The following AIM2 variants were observed in gnomAD, a reference collection of about 807,000 sequenced individuals.
The protein encoded by AIM2 is absent in melanoma 2, also known as interferon-inducible protein AIM2.
In AIM2, 30 loss-of-function variants were observed where a neutral mutation model predicts 27.7. That is an observed-to-expected ratio of 1.08 (90% confidence interval 0.81 to 1.47). AIM2 has a LOEUF of 1.47. AIM2 is among the 40% of genes most tolerant of loss of function. The pLI is 0.00. For missense variants in AIM2, 358 were observed against 411.3 expected, an observed-to-expected ratio of 0.87 and a Z score of 1.12; for synonymous variants, 141 against 145.3, an observed-to-expected ratio of 0.97 and a Z score of 0.21.
At chr1:159,080,498 C>T (rs909246030), upstream of AIM2, among the ~76,000 whole-genome samples, 1 of 152,158 alleles carries the variant, frequency 6.6e-6, no homozygotes. Flanking sequence ...AAAGAAATCA[C>T]AAGTAAAAGC....
At position 159,100,561 on chromosome 1, in the gene AIM2, A is replaced by G. The variant is rs78226970; in HGVS notation, c.-15-34232T>C. 9.8e-3 allele frequency among the ~76,000 whole-genome samples: 1,490 copies of G among 152,336 alleles called. 32 individuals are homozygous for G. Among genetic ancestry groups the G allele is most frequent in the African/African-American group, 0.034 (1,393 of 41,556 alleles). On this transcript the variant is annotated intron_variant, in intron 1 of 2. Transcript: ENST00000368129. ...AGGTGGAGGCAGGAATAAGTAGAGA[A>G]GTGGCTATGAAACCTATTCTGAACC...
chr1:159,125,654 C>T (rs1445786325), intron 1 of AIM2, among the ~76,000 whole-genome samples: 1 of 152,140 alleles, frequency 6.6e-6, no homozygotes, highest in Non-Finnish European at 1.5e-5. Flanking sequence ...TTCTCTGAGC[C>T]TTAGTTTTCC....
At chr1:159,124,301 T>C in intron 1 of AIM2, among the ~76,000 whole-genome samples, 1 of 152,226 alleles carries the variant, frequency 6.6e-6, no homozygotes, top group East Asian at 1.9e-4. Flanking sequence ...CAGTTCGATA[T>C]GGACTCCAAG....
At chr1:159,134,675 T>C (rs978688266) in intron 1 of AIM2, among the ~76,000 whole-genome samples, 8 of 152,056 alleles carry the variant, frequency 5.3e-5, no homozygotes, top group African/African-American at 1.9e-4. Context: ...CTACTAAAAA[T>C]ACAAAAATTA....
intron 1 of AIM2, among the ~76,000 whole-genome samples, chr1:159,110,228 A>G (rs961054914): frequency 2.6e-5 from 4 of 152,214 alleles, no homozygotes; most frequent in Non-Finnish European, 4.4e-5. Flanking sequence ...ACTCGGCCAT[A>G]AAAAGGAATG....
At chr1:159,139,986 A>C (rs778479363) in intron 1 of AIM2, among the ~76,000 whole-genome samples, 8 of 152,206 alleles carry the variant, frequency 5.3e-5, no homozygotes, top group Non-Finnish European at 1.0e-4. Context: ...AGATGTATGC[A>C]GTATTCTAGA....
At chr1:159,127,428 C>A (rs1427350457) in intron 1 of AIM2, among the ~76,000 whole-genome samples, 1 of 152,196 alleles carries the variant, frequency 6.6e-6, no homozygotes, top group Admixed American at 6.5e-5. Flanking sequence ...TGTGTCCCCA[C>A]AAAATTCCTA....
chr1:159,145,637 A>G (rs745965453), intron 1 of AIM2, among the ~76,000 whole-genome samples: 32 of 152,176 alleles, frequency 2.1e-4, no homozygotes, highest in Non-Finnish European at 7.3e-5. Flanking sequence ...GTAGACCCAG[A>G]ACCAATCTAT....
intron 2 of AIM2, among the ~76,000 whole-genome samples, chr1:159,070,188 TCTC>T (rs1656292259): frequency 1.3e-4 from 1 of 7,782 alleles, no homozygotes; most frequent in Non-Finnish European, 5.8e-3. Flanking sequence ...TAGTTACCTG[TCTC>T]AGTTAATTTG....
At chr1:159,065,839 A>C in intron 4 of AIM2, 71 bp downstream of exon 4, 1 of 1,465,670 alleles carries the variant, frequency 6.8e-7, no homozygotes, top group Non-Finnish European at 9.1e-7. Context: ...CCATTTCCAA[A>C]GTTTCTTTAA....
chr1:159,073,287 C>T lies in AIM2; in HGVS notation c.213G>A (p.Lys71=), dbSNP rs1234580466. The change falls in exon 2 of 6, where the codon AAG becomes AAA. Residue 71 remains lysine (K), a synonymous_variant. Coordinates refer to ENST00000368130, the MANE Select transcript of AIM2 (RefSeq NM_004833.3). ...AVMKTIRIFQ[K]LNYMLLAKRL... is the part of the protein sequence containing the mutation. The stretch of plus-strand genomic sequence containing the variant: ...GTTTTGCCAAAAGCATATAATTCAA[C>T]TTCTGAAAAATACGAATGGTCTTCA... The T allele has an allele frequency of 3.1e-6, 5 of 1,614,104 alleles. No homozygotes were observed. The South Asian group carries it at 5.5e-5, about 18-fold the overall frequency.
rs114667580 is a variant in AIM2, at chr1:159,068,562, T to C, written c.396+6A>G. The stretch of plus-strand genomic sequence containing the variant: ...GACAAAGACCACTCCACTCTCCTTA[T>C]CCTACCTTAACATGAGGAGAGACTT... On this transcript the variant is annotated splice_donor_region_variant and intron_variant, in intron 3 of 5. Transcript: ENST00000368130. The C allele has an allele frequency of 1.9e-6, 3 of 1,610,288 alleles. No homozygotes were observed. Among genetic ancestry groups the C allele is most frequent in the South Asian group, 2.2e-5 (2 of 90,504 alleles).
upstream of AIM2, among the ~76,000 whole-genome samples, chr1:159,143,581 TACACAC>T (rs6143439): frequency 0.091 from 13,053 of 144,026 alleles, 684 homozygotes; most frequent in Middle Eastern, 0.11. Context: ...GCTCAGTGTG[TACACAC>T]ACACACACAC....
chr1:159,109,983 A>G (rs1218253438), intron 1 of AIM2, among the ~76,000 whole-genome samples: 1 of 152,218 alleles, frequency 6.6e-6, no homozygotes, highest in Non-Finnish European at 1.5e-5. Flanking sequence ...TACAACCACT[A>G]TGGAAAACAG....
chr1:159,116,325 A>G (rs1647349813), intron 1 of AIM2, among the ~76,000 whole-genome samples: 1 of 152,200 alleles, frequency 6.6e-6, no homozygotes, highest in Non-Finnish European at 1.5e-5. Flanking sequence ...CAGCAATCCC[A>G]TTACTGGGTA....
intron 1 of AIM2, among the ~76,000 whole-genome samples, chr1:159,116,017 A>G (rs1303040595): frequency 2.6e-5 from 4 of 152,224 alleles, no homozygotes; most frequent in African/African-American, 4.8e-5. Flanking sequence ...CAATAAGTGG[A>G]CAAAGGATAT....
chr1:159,143,700 C>T (rs1385214796), upstream of AIM2, among the ~76,000 whole-genome samples: 1 of 152,056 alleles, frequency 6.6e-6, no homozygotes, highest in African/African-American at 2.4e-5. Context: ...TCCAAAGTAT[C>T]ACTGCTTCTT....
At chr1:159,079,340 C>G (rs1232831002), upstream of AIM2, among the ~76,000 whole-genome samples, 4 of 151,314 alleles carry the variant, frequency 2.6e-5, no homozygotes, top group Admixed American at 1.3e-4. Context: ...AAAAGTATGC[C>G]TAGAAAAGAA....
chr1:159,142,855 G>C (rs935728850), upstream of AIM2, among the ~76,000 whole-genome samples: 1 of 151,998 alleles, frequency 6.6e-6, no homozygotes, highest in African/African-American at 2.4e-5. Context: ...CAGACACATG[G>C]GAATAATTGG....
Sources: allele counts gnomAD v4.1 joint callset (sites outside exome capture counted in the v4.1 genomes callset), GRCh38; gene constraint gnomAD v4.1.1; transcripts MANE v1.5; gene names NCBI Gene and HGNC (gene_info 2026-07-23, HGNC 2026-07-21).